Variants in OCM observed in about 807,000 individuals in gnomAD.
The protein encoded by OCM is oncomodulin-1.
A neutral mutation model predicts 14.1 loss-of-function variants in OCM; 18 were observed. The ratio of observed to expected loss-of-function variants is 1.28; its 90% CI spans 0.88 to 1.89. OCM has a LOEUF of 1.89. OCM is among the 40% of genes most tolerant of loss of function. OCM has a pLI of 0.00. For synonymous variants in OCM, 48 were observed against 51.0 expected (o/e 0.94, Z 0.25); for missense variants, 140 against 137.6 (o/e 1.02, Z -0.09).
Position 5,884,004 on chromosome 7 carries a change from G to C in OCM, c.304+5G>C, listed in dbSNP as rs1426493645. ...ATGGGAAAATTGGAGCAGAGGGTAT[G>C]TCCACACGTGTACGTAGCATAAAAC... On this transcript the variant is annotated splice_donor_5th_base_variant and intron_variant, in intron 3 of 3. Coordinates refer to ENST00000242104, the MANE Select transcript of OCM (RefSeq NM_001097622.2). 2 of 1,611,802 alleles carry C rather than the reference G, an allele frequency of 1.2e-6. No individual in the cohort carries two copies. The highest frequency in any genetic ancestry group is 1.7e-6 in the Non-Finnish European group (2 of 1,178,834).
At chr7:5,878,315 A>G (rs893045112), upstream of OCM, among the ~76,000 whole-genome samples, 2 of 151,940 alleles carry the variant, frequency 1.3e-5, no homozygotes, top group African/African-American at 4.8e-5. Flanking sequence ...CAGGAGCTGG[A>G]CTAGGTGGGG....
At chr7:5,877,415 C>T (rs117086556), upstream of OCM, among the ~76,000 whole-genome samples, 5,705 of 151,796 alleles carry the variant, frequency 0.038, 145 homozygotes, top group Non-Finnish European at 0.054. Context: ...CTGCAGTGAG[C>T]CGAGATCACA....
chr7:5,866,361 G>C, the OCM span, among the ~76,000 whole-genome samples: 1 of 112,608 alleles, frequency 8.9e-6, no homozygotes, highest in African/African-American at 4.2e-5. Context: ...AGGGAGGAAA[G>C]GAGGAAGGGA....
intron 3 of OCM, among the ~76,000 whole-genome samples, chr7:5,885,566 G>A (rs955175364): frequency 9.2e-5 from 14 of 151,482 alleles, no homozygotes; most frequent in Non-Finnish European, 2.1e-4. Flanking sequence ...GAACTTCCTC[G>A]AGATATAGTC....
intron 3 of OCM, among the ~76,000 whole-genome samples, chr7:5,884,240 G>A (rs7799088): frequency 0.22 from 34,126 of 152,098 alleles, 5,743 homozygotes; most frequent in African/African-American, 0.47. Context: ...TCTATGAGCT[G>A]CAAAATATCC....
the OCM span, among the ~76,000 whole-genome samples, chr7:5,862,553 C>T: frequency 6.6e-6 from 1 of 152,208 alleles, no homozygotes; most frequent in Non-Finnish European, 1.5e-5. Flanking sequence ...CTTCCACCTA[C>T]CCTGAGATAA....
the OCM span, among the ~76,000 whole-genome samples, chr7:5,873,725 G>C: frequency 1.3e-5 from 2 of 152,076 alleles, no homozygotes; most frequent in Non-Finnish European, 2.9e-5. Context: ...CACCACAGTT[G>C]TTTCCATTCC....
chr7:5,882,126 A>C (rs1221061752), intron 1 of OCM, among the ~76,000 whole-genome samples: 3 of 146,604 alleles, frequency 2.0e-5, no homozygotes, highest in East Asian at 4.2e-4. Context: ...AAAAGCGCCA[A>C]AGGCCATTTA....
the OCM span, among the ~76,000 whole-genome samples, chr7:5,860,463 A>T: frequency 9.5e-6 from 1 of 105,354 alleles, no homozygotes; most frequent in African/African-American, 4.1e-5. Context: ...GTATATTATT[A>T]CGTATATATA....
At chr7:5,877,891 A>G (rs1338031907), upstream of OCM, among the ~76,000 whole-genome samples, 1 of 151,474 alleles carries the variant, frequency 6.6e-6, no homozygotes, top group Admixed American at 6.6e-5. Context: ...TGAGGACATT[A>G]TACTCAGTGA....
chr7:5,864,346 CAAAA>C, the OCM span, among the ~76,000 whole-genome samples: 8 of 121,796 alleles, frequency 6.6e-5, no homozygotes, highest in Admixed American at 2.4e-4. Context: ...GACCTTGTCT[CAAAA>C]AAAAAAAAAA....
chr7:5,884,080 A>T lies in OCM; in HGVS notation c.304+81A>T. 4 of 1,525,402 alleles carry T rather than the reference A, an allele frequency of 2.6e-6. No homozygotes were observed. The South Asian group carries it at 3.8e-5, about 14-fold the overall frequency. 94.5% of individuals were successfully genotyped at this position (1,525,402 alleles called of 1,614,324 possible). On this transcript the variant is annotated intron_variant, in intron 3 of 3. Coordinates refer to ENST00000242104, the MANE Select transcript of OCM (RefSeq NM_001097622.2). Reference sequence around the variant, plus strand: ...GGGCTTGGGCTGTGAGATCAAACCAATGTGGCTTAAAATCTCCCTTTCTTA... The same window carrying T: ...GGGCTTGGGCTGTGAGATCAAACCATTGTGGCTTAAAATCTCCCTTTCTTA...
At chr7:5,865,922 A>G in the OCM span, among the ~76,000 whole-genome samples, 1 of 152,206 alleles carries the variant, frequency 6.6e-6, no homozygotes, top group East Asian at 1.9e-4. Context: ...TCTTGATAAT[A>G]ACAGAGTTGT....
At chr7:5,862,734 GACTCT>G in the OCM span, among the ~76,000 whole-genome samples, 7 of 151,992 alleles carry the variant, frequency 4.6e-5, no homozygotes, top group South Asian at 2.1e-4. Flanking sequence ...ATGCATCACA[GACTCT>G]ACTCCTTTTC....
chr7:5,875,609 G>T (rs113786841), upstream of OCM, among the ~76,000 whole-genome samples: 1 of 151,890 alleles, frequency 6.6e-6, no homozygotes, highest in African/African-American at 2.4e-5. Flanking sequence ...CTCCTGGCCT[G>T]GTCTCTGGTA....
At chr7:5,878,044 C>T (rs1159765382), upstream of OCM, among the ~76,000 whole-genome samples, 1 of 149,774 alleles carries the variant, frequency 6.7e-6, no homozygotes, top group African/African-American at 2.5e-5. Context: ...GATCTCGGCT[C>T]ACTGCAACCT....
the OCM span, among the ~76,000 whole-genome samples, chr7:5,860,757 T>TA: frequency 6.8e-6 from 1 of 146,046 alleles, no homozygotes; most frequent in African/African-American, 2.5e-5. Flanking sequence ...CATATATACG[T>TA]ATATATATAT....
the OCM span, among the ~76,000 whole-genome samples, chr7:5,874,223 C>CAAAAAAAA: frequency 3.2e-5 from 1 of 31,490 alleles, no homozygotes. Context: ...GACTCTGTCT[C>CAAAAAAAA]AAAAAAAAAA....
chr7:5,873,194 G>C, the OCM span, among the ~76,000 whole-genome samples: 1 of 152,110 alleles, frequency 6.6e-6, no homozygotes, highest in South Asian at 2.1e-4. Context: ...GACCAACATG[G>C]TAAAACCCTG....
Sources: allele counts gnomAD v4.1 joint callset (sites outside exome capture counted in the v4.1 genomes callset), GRCh38; gene constraint gnomAD v4.1.1; transcripts MANE v1.5; gene names NCBI Gene and HGNC (gene_info 2026-07-23, HGNC 2026-07-21).